Variants in ZFHX3 observed in about 807,000 individuals in gnomAD.
ZFHX3 encodes zinc finger homeobox 3.
Under a neutral mutation model 279.1 loss-of-function variants are expected in ZFHX3, and 42 were observed. The ratio of observed to expected loss-of-function variants is 0.15; its 90% CI spans 0.12 to 0.19. The LOEUF (loss-of-function observed/expected upper bound fraction) is 0.19. Ranked by LOEUF, ZFHX3 falls within the 10% of genes least tolerant of loss-of-function variation. ZFHX3 has a pLI of 1.00. For synonymous variants in ZFHX3, 2,293 were observed against 1,957.8 expected (o/e 1.17, Z -4.52); for missense variants, 4,981 against 4,754.0 (o/e 1.05, Z -1.40).
chr16:73,116,002 C>T (rs1156906398), intron 7 of ZFHX3, among the ~76,000 whole-genome samples: 7 of 152,126 alleles, frequency 4.6e-5, no homozygotes, highest in Non-Finnish European at 8.8e-5. Context: ...TGCCTGTAAT[C>T]CCAGCTACTC....
chr16:73,473,375 A>T (rs1348570187), intron 2 of ZFHX3, among the ~76,000 whole-genome samples: 31 of 148,094 alleles, frequency 2.1e-4, no homozygotes, highest in African/African-American at 7.1e-4. Flanking sequence ...AAAAAAAACA[A>T]AATAATAAGC....
intron 1 of ZFHX3, among the ~76,000 whole-genome samples, chr16:72,972,303 C>T (rs1461010051): frequency 2.0e-5 from 3 of 152,140 alleles, no homozygotes; most frequent in Non-Finnish European, 4.4e-5. Context: ...TACCAGTCCA[C>T]CATCCTATAA....
At chr16:73,203,934 G>C (rs1040626258) in intron 5 of ZFHX3, among the ~76,000 whole-genome samples, 1 of 152,146 alleles carries the variant, frequency 6.6e-6, no homozygotes, top group African/African-American at 2.4e-5. Context: ...TTAGCAGAGA[G>C]CTTCATCAAT....
intron 5 of ZFHX3, among the ~76,000 whole-genome samples, chr16:73,203,285 G>A (rs1200182214): frequency 6.6e-6 from 1 of 152,168 alleles, no homozygotes; most frequent in Non-Finnish European, 1.5e-5. Flanking sequence ...TGGCTGGAAG[G>A]AAGGAAGGAT....
At chr16:73,352,470 CTCTCTTTTTTTTTTTT>C (rs1443569630) in intron 3 of ZFHX3, among the ~76,000 whole-genome samples, 36 of 124,430 alleles carry the variant, frequency 2.9e-4, no homozygotes, top group Admixed American at 2.5e-3. Flanking sequence ...CTCTCTCTCT[CTCTCTTTTTTTTTTTT>C]TTTTTTTTTT....
At chr16:72,849,634 C>T (rs2037562017) in intron 4 of ZFHX3, among the ~76,000 whole-genome samples, 1 of 152,086 alleles carries the variant, frequency 6.6e-6, no homozygotes, top group African/African-American at 2.4e-5. Context: ...TTTATTGGTG[C>T]CATTGATCAG....
intron 4 of ZFHX3, among the ~76,000 whole-genome samples, chr16:72,841,433 T>A (rs997291211): frequency 6.6e-6 from 1 of 152,234 alleles, no homozygotes; most frequent in East Asian, 1.9e-4. Flanking sequence ...TCATTTTTAA[T>A]AGGCACCTTG....
intron 2 of ZFHX3, among the ~76,000 whole-genome samples, chr16:73,649,908 G>A (rs1001787105): frequency 4.6e-5 from 7 of 152,158 alleles, no homozygotes; most frequent in Non-Finnish European, 4.4e-5. Context: ...GCATTTGATC[G>A]AAGCACTGGT....
At chr16:73,328,283 G>A (rs1301104374) in intron 3 of ZFHX3, among the ~76,000 whole-genome samples, 1 of 151,976 alleles carries the variant, frequency 6.6e-6, no homozygotes, top group Admixed American at 6.6e-5. Context: ...CATTTTAAAG[G>A]TCTTCCTTAA....
intron 1 of ZFHX3, among the ~76,000 whole-genome samples, chr16:73,891,394 G>T (rs1040854394): frequency 4.6e-5 from 7 of 152,048 alleles, no homozygotes; most frequent in South Asian, 2.1e-4. Flanking sequence ...ATATTCACAT[G>T]AGTTCCGTTC....
At chr16:73,239,895 A>C (rs1373709776) in intron 5 of ZFHX3, among the ~76,000 whole-genome samples, 1 of 152,148 alleles carries the variant, frequency 6.6e-6, no homozygotes, top group African/African-American at 2.4e-5. Context: ...TGAATACCGA[A>C]CCATCGCTCC....
At chr16:73,695,141 A>C (rs967472888) in intron 1 of ZFHX3, among the ~76,000 whole-genome samples, 1 of 152,368 alleles carries the variant, frequency 6.6e-6, no homozygotes, top group South Asian at 2.1e-4. Flanking sequence ...GGTGCCAGTC[A>C]GTAAATATTT....
At chr16:72,945,675 A>G (rs1390852308) in intron 3 of ZFHX3, among the ~76,000 whole-genome samples, 1 of 152,110 alleles carries the variant, frequency 6.6e-6, no homozygotes, top group Admixed American at 6.5e-5. Flanking sequence ...ACAAACAAAA[A>G]AAATAGTCTA....
intron 1 of ZFHX3, among the ~76,000 whole-genome samples, chr16:72,980,643 C>A (rs972000362): frequency 6.6e-6 from 1 of 150,882 alleles, no homozygotes; most frequent in Non-Finnish European, 1.5e-5. Flanking sequence ...CAGTGGTGTG[C>A]GCCTGTAGTC....
intron 2 of ZFHX3, among the ~76,000 whole-genome samples, chr16:73,521,973 G>A (rs950941788): frequency 2.0e-5 from 3 of 152,034 alleles, no homozygotes; most frequent in Admixed American, 1.3e-4. Flanking sequence ...GTCAACTTCC[G>A]TTCCCTTTTG....
intron 3 of ZFHX3, among the ~76,000 whole-genome samples, chr16:73,366,213 CA>C (rs1284187744): frequency 6.6e-6 from 1 of 152,016 alleles, no homozygotes; most frequent in East Asian, 1.9e-4. Context: ...TTTAAAATAG[CA>C]AAAGAGTGGA....
intron 1 of ZFHX3, among the ~76,000 whole-genome samples, chr16:73,026,800 G>A (rs1964528170): frequency 1.3e-5 from 2 of 151,972 alleles, no homozygotes; most frequent in South Asian, 4.1e-4. Context: ...AGCACACCCT[G>A]GAATCGCTGG....
intron 7 of ZFHX3, among the ~76,000 whole-genome samples, chr16:73,105,408 T>TACACACACACACATATATATATATATAC (rs58787364): frequency 1.2e-5 from 1 of 82,780 alleles, no homozygotes. Context: ...TATATATATA[T>TACACACACACACATATATATATATATAC]ACACACACAC....
intron 3 of ZFHX3, among the ~76,000 whole-genome samples, chr16:73,347,242 C>T (rs147144762): frequency 1.7e-3 from 256 of 152,364 alleles, no homozygotes; most frequent in African/African-American, 5.5e-3. Context: ...GGCCCACAAT[C>T]ACAACCATTC....
Sources: allele counts gnomAD v4.1 joint callset (sites outside exome capture counted in the v4.1 genomes callset), GRCh38; gene constraint gnomAD v4.1.1; transcripts MANE v1.5; gene names NCBI Gene and HGNC (gene_info 2026-07-23, HGNC 2026-07-21).